XYLB: variants seen among roughly 807,000 people sequenced by gnomAD.
XYLB encodes the protein xylulose kinase.
In XYLB, 62 loss-of-function variants were observed where a neutral mutation model predicts 78.7. The observed-to-expected ratio is 0.79, with a 90% CI of 0.64 to 0.97. XYLB has a LOEUF of 0.97. Ranked by LOEUF, XYLB falls within the 50% of genes least tolerant of loss-of-function variation. XYLB has a pLI of 0.00. For synonymous variants in XYLB, 245 were observed against 247.4 expected, an observed-to-expected ratio of 0.99 and a Z score of 0.09; for missense variants, 687 against 676.8, an observed-to-expected ratio of 1.02 and a Z score of -0.17.
At chr3:38,347,933 G>C (rs1374996846) in intron 1 of XYLB, among the ~76,000 whole-genome samples, 2 of 152,232 alleles carry the variant, frequency 1.3e-5, no homozygotes, top group Non-Finnish European at 2.9e-5. Context: ...CCCTCTTCTC[G>C]AATGGGTCAA....
At chr3:38,408,072 A>T (rs1188400478) in intron 18 of XYLB, among the ~76,000 whole-genome samples, 6 of 151,484 alleles carry the variant, frequency 4.0e-5, no homozygotes, top group Non-Finnish European at 1.5e-5. Flanking sequence ...CCAAATCAAC[A>T]GAATATACAT....
the XYLB span, among the ~76,000 whole-genome samples, chr3:38,428,885 C>T: frequency 6.6e-6 from 1 of 152,160 alleles, no homozygotes; most frequent in Non-Finnish European, 1.5e-5. Flanking sequence ...CTCATTTTAT[C>T]TCCACTCCAT....
intron 8 of XYLB, among the ~76,000 whole-genome samples, chr3:38,369,228 C>G (rs1706417237): frequency 6.6e-6 from 1 of 152,130 alleles, no homozygotes; most frequent in African/African-American, 2.4e-5. Context: ...TGTTAAGCTT[C>G]CCTCACAATC....
intron 8 of XYLB, among the ~76,000 whole-genome samples, chr3:38,368,955 A>T (rs1431857302): frequency 2.0e-5 from 3 of 152,146 alleles, no homozygotes; most frequent in Non-Finnish European, 4.4e-5. Context: ...AAAACCCCGA[A>T]AAAAATAAAT....
At chr3:38,447,084 C>T in the XYLB span, among the ~76,000 whole-genome samples, 1 of 151,996 alleles carries the variant, frequency 6.6e-6, no homozygotes. Context: ...AACAAAATCC[C>T]AAATAATCCC....
the XYLB span, among the ~76,000 whole-genome samples, chr3:38,431,410 C>T: frequency 6.6e-6 from 1 of 152,150 alleles, no homozygotes; most frequent in African/African-American, 2.4e-5. Flanking sequence ...TGTATCCTGA[C>T]ACTTTGCTGA....
chr3:38,408,696 A>G (rs1338003146), intron 18 of XYLB, among the ~76,000 whole-genome samples: 1 of 151,754 alleles, frequency 6.6e-6, no homozygotes, highest in African/African-American at 2.4e-5. Flanking sequence ...AAAAATGATA[A>G]AGGGGATATC....
At chr3:38,348,016 G>C (rs1705163589) in intron 1 of XYLB, among the ~76,000 whole-genome samples, 1 of 152,354 alleles carries the variant, frequency 6.6e-6, no homozygotes, top group East Asian at 1.9e-4. Flanking sequence ...TGCCTTGCTG[G>C]ACCTCAGTTT....
downstream of XYLB, among the ~76,000 whole-genome samples, chr3:38,418,870 TG>T (rs1708886649): frequency 6.6e-6 from 1 of 152,234 alleles, no homozygotes; most frequent in African/African-American, 2.4e-5. Context: ...TTTTTTCAAT[TG>T]TTTTTGCTAG....
the XYLB span, among the ~76,000 whole-genome samples, chr3:38,440,440 G>C: frequency 1.3e-5 from 2 of 152,194 alleles, no homozygotes; most frequent in African/African-American, 4.8e-5. Context: ...GCTTCTACAA[G>C]AGTTTCCTTA....
intron 15 of XYLB, among the ~76,000 whole-genome samples, chr3:38,393,047 C>T (rs1707732797): frequency 1.3e-5 from 2 of 152,228 alleles, no homozygotes. Context: ...TTTCCAAACA[C>T]TATTTACTAA....
At chr3:38,407,347 A>G (rs1708368708) in intron 18 of XYLB, among the ~76,000 whole-genome samples, 2 of 152,136 alleles carry the variant, frequency 1.3e-5, no homozygotes, top group South Asian at 4.1e-4. Flanking sequence ...AGATTTTGTC[A>G]CCACCAGGCC....
At chr3:38,349,933 TC>T (rs1575444479) in intron 2 of XYLB, among the ~76,000 whole-genome samples, 1 of 152,204 alleles carries the variant, frequency 6.6e-6, no homozygotes, top group African/African-American at 2.4e-5. Context: ...TCTAATGACT[TC>T]ATTTTAACTT....
chr3:38,355,767 C>G (rs1364517303), intron 2 of XYLB: 2 of 703,628 alleles, frequency 2.8e-6, no homozygotes, highest in Non-Finnish European at 5.2e-6. Flanking sequence ...ACATGTGGAA[C>G]ATGACAGAGC....
At chr3:38,378,891 G>A (rs56157245) in intron 14 of XYLB, among the ~76,000 whole-genome samples, 29,200 of 149,824 alleles carry the variant, frequency 0.19, 2,898 homozygotes, top group East Asian at 0.29. Context: ...AAAAACAGGC[G>A]CCACTATTAC....
chr3:38,376,634 C>G (rs1575491746), intron 13 of XYLB, among the ~76,000 whole-genome samples: 1 of 152,166 alleles, frequency 6.6e-6, no homozygotes, highest in African/African-American at 2.4e-5. Context: ...TTGGTCAAAC[C>G]TGTTTTGATA....
intron 8 of XYLB, 139 bp downstream of exon 8, chr3:38,368,396 C>A: frequency 2.7e-6 from 2 of 742,152 alleles, no homozygotes; most frequent in Admixed American, 2.3e-5. Flanking sequence ...GAAGTGTATT[C>A]ATTATCTTTT....
chr3:38,417,042 G>A (rs13092164), downstream of XYLB, among the ~76,000 whole-genome samples: 73,487 of 152,070 alleles, frequency 0.48, 19,816 homozygotes, highest in Non-Finnish European at 0.61. Flanking sequence ...TGAAGTTAAG[G>A]AGACAAAAAA....
chr3:38,396,886 C>A (rs1707892388), intron 16 of XYLB, among the ~76,000 whole-genome samples, 186 bp from the exon 17 acceptor site: 5 of 152,186 alleles, frequency 3.3e-5, no homozygotes. Flanking sequence ...CGGACTTCCC[C>A]CAGCTCATCC....
Sources: gnomAD v4.1 joint callset for allele counts (sites outside exome capture counted in the v4.1 genomes callset) on GRCh38, gnomAD v4.1.1 for gene constraint, MANE v1.5 for transcripts, NCBI Gene and HGNC (gene_info 2026-07-23, HGNC 2026-07-21) for gene names.